APLP2: variants seen among roughly 807,000 people sequenced by gnomAD.
APLP2 encodes CDEI box-binding protein.
In APLP2, 53 loss-of-function variants were observed where a neutral mutation model predicts 89.9. The ratio of observed to expected loss-of-function variants is 0.59; its 90% confidence interval spans 0.47 to 0.74. The LOEUF (loss-of-function observed/expected upper bound fraction) is 0.74. APLP2 is among the 30% of genes least tolerant of loss of function. The pLI is 0.00. For missense variants in APLP2, 973 were observed against 975.9 expected (o/e 1.00, Z 0.04); for synonymous variants, 372 against 348.6 (o/e 1.07, Z -0.75).
intron 1 of APLP2, among the ~76,000 whole-genome samples, chr11:130,103,635 A>G (rs552983059): frequency 1.3e-5 from 2 of 152,348 alleles, no homozygotes; most frequent in South Asian, 4.1e-4. Flanking sequence ...CATAATGAGT[A>G]ACATGTGGAA....
chr11:130,142,739 A>G (rs190325720), intron 16 of APLP2, among the ~76,000 whole-genome samples: 1 of 152,014 alleles, frequency 6.6e-6, no homozygotes, highest in East Asian at 1.9e-4. Context: ...TCAGCCTCCC[A>G]CCTAGCTGAG....
At chr11:130,133,877 T>G (rs951623125) in intron 12 of APLP2, 149 bp downstream of exon 12, 1 of 630,626 alleles carries the variant, frequency 1.6e-6, no homozygotes, top group Non-Finnish European at 2.8e-6. Context: ...TGGAGTCCAC[T>G]GGAGCTTTCA....
chr11:130,075,910 A>T (rs113928248), intron 1 of APLP2, among the ~76,000 whole-genome samples: 2,172 of 151,238 alleles, frequency 0.014, 21 homozygotes, highest in Non-Finnish European at 0.022. Context: ...CTAATTTCAT[A>T]CAAGTTGTGA....
Position 130,141,557 on chromosome 11 carries a change from C to A in APLP2, c.1983C>A (p.Gly661=). 6.2e-7 allele frequency: 1 copy of A among 1,613,868 alleles called. No homozygotes were observed. Among genetic ancestry groups the A allele is most frequent in the Non-Finnish European group, 8.5e-7 (1 of 1,179,938 alleles). ...EMIFNAERVG[G]LEEERESVGP... is the part of the protein sequence containing the mutation. ...TTTTCAATGCCGAGAGAGTTGGAGG[C>A]CTCGAGGAAGAGCGGGTACGTGTTT... is the stretch of plus-strand genomic sequence containing the variant. Residue 661 remains glycine, a synonymous_variant, in exon 15 of 17, where the codon GGC becomes GGA. Transcript: ENST00000338167. The surrounding 1 kb of genome is among the most constrained non-coding windows in gnomAD (Gnocchi z 4.2).
rs756218456 is a variant in APLP2, at chr11:130,121,797, G to A, written c.700G>A (p.Asp234Asn). Reference sequence around the variant, plus strand: ...AGAGGAAGATGAAGAGGAAGACTATGATGTTTATAAAAGGTAACTCTTCTA... The same window carrying A: ...AGAGGAAGATGAAGAGGAAGACTATAATGTTTATAAAAGGTAACTCTTCTA... Reference protein sequence around the residue: ...EEEEDEEEDYDVYKSEFPTEA... With the variant: ...EEEEDEEEDYNVYKSEFPTEA... The change falls in exon 5 of 17, where the codon GAT (aspartate) becomes AAT (asparagine). Residue 234 changes from aspartate to asparagine, a missense_variant. By Grantham distance (23) the Asp-to-Asn change is conservative (BLOSUM62 1). Coordinates refer to ENST00000338167, the MANE Select transcript of APLP2 (RefSeq NM_001142276.2). The A allele has an allele frequency of 3.1e-6, 5 of 1,611,590 alleles. No homozygotes were observed. The highest frequency in any genetic ancestry group is 4.2e-6 in the Non-Finnish European group (5 of 1,179,966).
At chr11:130,136,458 A>G (rs1006507769) in intron 13 of APLP2, among the ~76,000 whole-genome samples, 23 of 152,088 alleles carry the variant, frequency 1.5e-4, no homozygotes, top group Admixed American at 3.9e-4. Flanking sequence ...GGGGATTCTG[A>G]GGTATAAAGA....
intron 1 of APLP2, among the ~76,000 whole-genome samples, chr11:130,071,151 T>C (rs1357174125): frequency 6.6e-6 from 1 of 152,262 alleles, no homozygotes; most frequent in Non-Finnish European, 1.5e-5. Flanking sequence ...CATACTTAGC[T>C]AATTTCAGAG....
chr11:130,070,248 G>A (rs1207668553), intron 1 of APLP2, among the ~76,000 whole-genome samples, 166 bp downstream of exon 1: 15 of 150,882 alleles, frequency 9.9e-5, no homozygotes, highest in Non-Finnish European at 1.9e-4. Flanking sequence ...CCTGCTTGGC[G>A]CAGTGCTTAG....
chr11:130,136,150 C>G (rs1296040722), intron 13 of APLP2, among the ~76,000 whole-genome samples: 1 of 152,088 alleles, frequency 6.6e-6, no homozygotes, highest in Non-Finnish European at 1.5e-5. Flanking sequence ...GAAGCTGTTC[C>G]TCTGGGTCCT....
At position 130,141,511 on chromosome 11, in the gene APLP2, C is replaced by T; in HGVS notation, c.1937C>T (p.Thr646Ile). 1 of 1,613,974 alleles carries T rather than the reference C, an allele frequency of 6.2e-7. No individual in the cohort carries two copies. Among genetic ancestry groups the T allele is most frequent in the Non-Finnish European group, 8.5e-7 (1 of 1,179,938 alleles). The change falls in exon 15 of 17, where the codon ACT becomes ATT. Residue 646 changes from threonine (T) to isoleucine (I), a missense_variant. Thr to Ile is a moderately conservative substitution (Grantham distance 89). Transcript: ENST00000338167. This position sits in a 1 kb window ranked among gnomAD's most constrained non-coding sequence, Gnocchi z 4.2. ...TGACTGTTTCAGGTCATTGACGAGA[C>T]TCTGGATGTTAAGGAAATGATTTTC... is the stretch of plus-strand genomic sequence containing the variant. ...KVDENMVIDE[T>I]LDVKEMIFNA...
intron 1 of APLP2, among the ~76,000 whole-genome samples, chr11:130,071,908 T>C (rs1941177485): frequency 6.6e-6 from 1 of 152,216 alleles, no homozygotes; most frequent in African/African-American, 2.4e-5. Flanking sequence ...TGAATATAAT[T>C]TGATTTTGTT....
intron 1 of APLP2, among the ~76,000 whole-genome samples, chr11:130,096,129 G>C (rs1321999470): frequency 6.6e-6 from 1 of 152,174 alleles, no homozygotes; most frequent in East Asian, 1.9e-4. Context: ...GAACAGCAGG[G>C]GAAGGCTTCG....
chr11:130,080,201 C>T (rs992613004), intron 1 of APLP2, among the ~76,000 whole-genome samples: 1 of 152,034 alleles, frequency 6.6e-6, no homozygotes, highest in Non-Finnish European at 1.5e-5. Context: ...GGGAAGAGAG[C>T]ATTGCCTTTA....
intron 3 of APLP2, among the ~76,000 whole-genome samples, chr11:130,119,171 T>C (rs1433929767): frequency 1.3e-5 from 2 of 152,180 alleles, no homozygotes; most frequent in East Asian, 3.9e-4. Context: ...TTTCTCATGA[T>C]ATTTTCAGGG....
intron 1 of APLP2, among the ~76,000 whole-genome samples, chr11:130,091,105 T>G (rs1945005191): frequency 1.5e-5 from 2 of 134,932 alleles, no homozygotes; most frequent in African/African-American, 5.8e-5. Flanking sequence ...CCCCCCCACC[T>G]CCCTCCCGGA....
intron 16 of APLP2, among the ~76,000 whole-genome samples, chr11:130,142,598 G>T (rs1197834467): frequency 1.3e-5 from 2 of 152,050 alleles, no homozygotes; most frequent in African/African-American, 4.8e-5. Context: ...TTAGTTATTT[G>T]TGTTTTTTTG....
At position 130,141,518 on chromosome 11, in the gene APLP2, TG is replaced by T; in HGVS notation, c.1945del (p.Val649LeufsTer4). 6.2e-7 allele frequency: 1 copy of T among 1,613,852 alleles called. No individual in the cohort carries two copies. The highest frequency in any genetic ancestry group is 8.5e-7 in the Non-Finnish European group (1 of 1,179,920). ...TTCAGGTCATTGACGAGACTCTGGA[TG>T]TTAAGGAAATGATTTTCAATGCCGA... ...ENMVIDETLD[V>X]KEMIFNAERV... On this transcript the variant is annotated frameshift_variant, in exon 15 of 17. Transcript: ENST00000338167. LOFTEE classifies it high-confidence loss of function. The surrounding 1 kb of genome is among the most constrained non-coding windows in gnomAD (Gnocchi z 4.2).
intron 6 of APLP2, 139 bp downstream of exon 6, chr11:130,122,652 C>T: frequency 7.0e-7 from 1 of 1,435,552 alleles, no homozygotes; most frequent in Non-Finnish European, 9.3e-7. Flanking sequence ...TTCAGCTCTC[C>T]AGTGCAGTGA....
intron 1 of APLP2, among the ~76,000 whole-genome samples, chr11:130,094,037 T>TG: frequency 7.5e-6 from 1 of 132,526 alleles, no homozygotes; most frequent in African/African-American, 2.9e-5. Flanking sequence ...GAGCCACCAC[T>TG]CCCGGCCGTA....
Sources: gnomAD v4.1 joint callset for allele counts (sites outside exome capture counted in the v4.1 genomes callset) on GRCh38, gnomAD v4.1.1 for gene constraint, Gnocchi (gnomAD v3.1) non-coding constraint, MANE v1.5 for transcripts, NCBI Gene and HGNC (gene_info 2026-07-23, HGNC 2026-07-21) for gene names.